Variants in RNF114 observed in about 807,000 individuals in gnomAD.
The protein encoded by RNF114 is E3 ubiquitin-protein ligase RNF114.
RNF114 carries 6 observed loss-of-function variants against 28.4 expected under a neutral mutation model. The observed-to-expected ratio is 0.21, with a 90% CI of 0.12 to 0.42. RNF114 has a LOEUF of 0.42. Ranked by LOEUF, RNF114 falls within the 10% of genes least tolerant of loss-of-function variation. The pLI is 1.00. For synonymous variants in RNF114, 115 were observed against 116.7 expected (o/e 0.99, Z 0.09); for missense variants, 249 against 311.7 (o/e 0.80, Z 1.51).
At chr20:49,941,516 G>A in intron 1 of RNF114, 45 bp from the exon 2 acceptor site, 1 of 1,525,786 alleles carries the variant, frequency 6.6e-7, no homozygotes, top group Non-Finnish European at 8.8e-7. Flanking sequence ...TTGTCGTCTT[G>A]TCTCCATGAT....
At chr20:49,939,135 T>G (rs1374883248) in intron 1 of RNF114, among the ~76,000 whole-genome samples, 1 of 152,222 alleles carries the variant, frequency 6.6e-6, no homozygotes, top group Non-Finnish European at 1.5e-5. Context: ...TGCCAACTCC[T>G]CAGAAGCAGC....
intron 3 of RNF114, among the ~76,000 whole-genome samples, chr20:49,945,831 A>G (rs943161764): frequency 6.6e-6 from 1 of 152,086 alleles, no homozygotes; most frequent in Non-Finnish European, 1.5e-5. Flanking sequence ...ATGCCTGGCT[A>G]AATTTTGTAT....
intron 2 of RNF114, chr20:49,943,894 A>G (rs1239712556): frequency 1.4e-5 from 2 of 144,408 alleles, no homozygotes; most frequent in African/African-American, 5.1e-5. Flanking sequence ...ATATATATAT[A>G]TATATTTGTA....
At position 49,953,473 on chromosome 20, in the gene RNF114, C is replaced by CCTCGAA. The variant is rs1262464672; in HGVS notation, c.*1336_*1337insAACTCG. On this transcript the variant is annotated 3_prime_UTR_variant, in exon 6 of 6. Coordinates refer to ENST00000244061, the MANE Select transcript of RNF114 (RefSeq NM_018683.4). ...GTCTCTGATGGGGCTGCAAGTGCTA[C>CCTCGAA]CTCGCGCTTGTACACTGCTGCTGTG... 2 of 152,214 alleles carry CCTCGAA rather than the reference C, an allele frequency of 1.3e-5. No homozygotes were observed. The highest frequency in any genetic ancestry group is 3.9e-4 in the East Asian group (2 of 5,182). 9.4% of individuals were successfully genotyped at this position (152,214 alleles called of 1,614,324 possible). A position where few individuals can be genotyped will look rare whatever the true frequency, so the allele number is the denominator to read the frequency against.
intron 4 of RNF114, among the ~76,000 whole-genome samples, chr20:49,947,796 T>TTTG (rs2090339602): frequency 9.6e-6 from 1 of 103,644 alleles, no homozygotes; most frequent in African/African-American, 3.9e-5. Context: ...TTTTTTTTTT[T>TTTG]TTTTTTTTTT....
At chr20:49,938,284 A>G (rs1467116956) in intron 1 of RNF114, among the ~76,000 whole-genome samples, 2 of 152,230 alleles carry the variant, frequency 1.3e-5, no homozygotes, top group African/African-American at 4.8e-5. Context: ...TTCCTAGGTC[A>G]GAGGGCAAGG....
At chr20:49,940,789 C>T (rs1390868265) in intron 1 of RNF114, among the ~76,000 whole-genome samples, 6 of 151,088 alleles carry the variant, frequency 4.0e-5, no homozygotes, top group Middle Eastern at 3.2e-3. Context: ...GAGACAGAGT[C>T]GCACTCTGTT....
chr20:49,951,548 A>G (rs2090355357), intron 5 of RNF114, among the ~76,000 whole-genome samples: 2 of 152,064 alleles, frequency 1.3e-5, no homozygotes, highest in South Asian at 4.1e-4. Context: ...GGGTTTCTCA[A>G]TCTCCATTTA....
chr20:49,939,125 T>G (rs925956660), intron 1 of RNF114, among the ~76,000 whole-genome samples: 2 of 152,246 alleles, frequency 1.3e-5, no homozygotes, highest in Non-Finnish European at 2.9e-5. Flanking sequence ...CCAGCTCAAA[T>G]GCCAACTCCT....
In RNF114 at chr20:49,952,545, A is replaced by G. The variant is rs1352673020; in HGVS notation, c.*404A>G. On this transcript the variant is annotated 3_prime_UTR_variant, in exon 6 of 6. Transcript: ENST00000244061. Reference sequence around the variant, plus strand: ...GGGTCATGAATAGCACAATGAAGCAAGTGTCTCCTTTCCTTGTCCCCAAGG... The same window carrying G: ...GGGTCATGAATAGCACAATGAAGCAGGTGTCTCCTTTCCTTGTCCCCAAGG... 3.0e-6 allele frequency: 1 copy of G among 329,048 alleles called. No homozygotes were observed. The highest frequency in any genetic ancestry group is 5.6e-6 in the Non-Finnish European group (1 of 179,696). The allele number at this position is 329,048 out of a possible 1,614,324, so 20.4% of individuals were successfully genotyped here. A position where few individuals can be genotyped will look rare whatever the true frequency, so the allele number is the denominator to read the frequency against.
In RNF114 at chr20:49,946,209, G is replaced by C; in HGVS notation, c.472G>C (p.Glu158Gln). 1 of 1,609,908 alleles carries C rather than the reference G, an allele frequency of 6.2e-7. No individual in the cohort carries two copies. Among genetic ancestry groups the C allele is most frequent in the Admixed American group, 1.7e-5 (1 of 59,684 alleles). The change falls in exon 4 of 6, where the codon GAA (glutamate) becomes CAA (glutamine). Residue 158 changes from glutamate (E) to glutamine (Q), a missense_variant. Glu to Gln is a conservative substitution (Grantham distance 29). Around this residue, in one of 2 missense-constraint regions of RNF114, gnomAD observed 126 missense variants for 205.3 expected, o/e 0.61. Coordinates refer to ENST00000244061, the MANE Select transcript of RNF114 (RefSeq NM_018683.4). ...GAACTTTGATCAGGAAGGACTTGTG[G>C]AACACTGCAAATTATTCCATAGCAC... ...EKNFDQEGLV[E>Q]HCKLFHSTDT...
chr20:49,946,289 G>A (rs1260760400), intron 4 of RNF114, 39 bp downstream of exon 4: 3 of 1,087,534 alleles, frequency 2.8e-6, no homozygotes, highest in Non-Finnish European at 1.4e-6. Flanking sequence ...CTTCATTAAG[G>A]GAAAGGATCA....
Position 49,952,534 on chromosome 20 carries a change from A to C in RNF114, c.*393A>C. 1 of 358,466 alleles carries C rather than the reference A, an allele frequency of 2.8e-6. No individual in the cohort carries two copies. The highest frequency in any genetic ancestry group is 5.1e-6 in the Non-Finnish European group (1 of 197,514). 22.2% of individuals were successfully genotyped at this position (358,466 alleles called of 1,614,324 possible). A position where few individuals can be genotyped will look rare whatever the true frequency, so the allele number is the denominator to read the frequency against. On this transcript the variant is annotated 3_prime_UTR_variant, in exon 6 of 6. Transcript: ENST00000244061. ...GGACCTTTTCTGGGTCATGAATAGCACAATGAAGCAAGTGTCTCCTTTCCT... is the reference window on the plus strand; with the variant it reads ...GGACCTTTTCTGGGTCATGAATAGCCCAATGAAGCAAGTGTCTCCTTTCCT...
At chr20:49,947,565 T>C (rs751107827) in intron 4 of RNF114, among the ~76,000 whole-genome samples, 1 of 152,090 alleles carries the variant, frequency 6.6e-6, no homozygotes, top group Non-Finnish European at 1.5e-5. Context: ...GCTAAAGTCT[T>C]AGATACAGAT....
At chr20:49,943,635 A>C (rs1197011741) in intron 2 of RNF114, among the ~76,000 whole-genome samples, 1 of 144,394 alleles carries the variant, frequency 6.9e-6, no homozygotes, top group Non-Finnish European at 1.5e-5. Context: ...ATTGAAATAC[A>C]ATTCCCTACT....
At chr20:49,948,910 A>G (rs2146859469) in intron 4 of RNF114, among the ~76,000 whole-genome samples, 1 of 151,962 alleles carries the variant, frequency 6.6e-6, no homozygotes, top group East Asian at 1.9e-4. Context: ...TCATCGGCTT[A>G]TTTTCTTAGT....
At chr20:49,937,555 C>T (rs2090292612) in intron 1 of RNF114, among the ~76,000 whole-genome samples, 1 of 152,178 alleles carries the variant, frequency 6.6e-6, no homozygotes, top group Non-Finnish European at 1.5e-5. Flanking sequence ...TCACCGTGGC[C>T]TAGCTCTTCC....
chr20:49,950,950 C>G (rs1347407828), intron 5 of RNF114, among the ~76,000 whole-genome samples: 1 of 152,146 alleles, frequency 6.6e-6, no homozygotes, highest in East Asian at 1.9e-4. Flanking sequence ...TTCAAAAATA[C>G]TTCAGGTCAA....
At chr20:49,945,176 A>G (rs372447783) in intron 2 of RNF114, 1 of 498,988 alleles carries the variant, frequency 2.0e-6, no homozygotes, top group African/African-American at 1.9e-5. Flanking sequence ...GGATATCCTG[A>G]TTTAGTCGAA....
Sources: allele counts gnomAD v4.1 joint callset (sites outside exome capture counted in the v4.1 genomes callset), GRCh38; gene constraint gnomAD v4.1.1; regional missense constraint gnomAD v4.1.1; transcripts MANE v1.5; gene names NCBI Gene and HGNC (gene_info 2026-07-23, HGNC 2026-07-21).